Variants in SNX9 observed in about 807,000 individuals in gnomAD.
SNX9 encodes the protein sorting nexin-9.
Under a neutral mutation model 89.4 loss-of-function variants are expected in SNX9, and 44 were observed. The observed-to-expected ratio is 0.49, with a 90% CI of 0.39 to 0.63. The LOEUF is 0.63. Among genes scored for constraint, SNX9 ranks in the 30% least tolerant of loss-of-function variants. The pLI is 0.00. For missense variants in SNX9, 578 were observed against 736.1 expected (o/e 0.79, Z 2.49); for synonymous variants, 236 against 247.8 (o/e 0.95, Z 0.45).
intron 6 of SNX9, among the ~76,000 whole-genome samples, chr6:157,904,877 G>A (rs183179478): frequency 1.4e-4 from 21 of 152,320 alleles, no homozygotes; most frequent in African/African-American, 4.8e-4. Context: ...GCAGTCAGGT[G>A]TGATGAATAG....
At chr6:157,902,849 G>C (rs1258074835) in intron 6 of SNX9, among the ~76,000 whole-genome samples, 4 of 151,918 alleles carry the variant, frequency 2.6e-5, no homozygotes, top group Non-Finnish European at 5.9e-5. Flanking sequence ...TGTATTTTTA[G>C]TAGAGACGAG....
intron 4 of SNX9, among the ~76,000 whole-genome samples, chr6:157,893,550 A>T (rs746826860): frequency 1.2e-4 from 18 of 151,966 alleles, no homozygotes; most frequent in Non-Finnish European, 2.5e-4. Flanking sequence ...GGGCTATATT[A>T]GACAGGGTGG....
Position 157,937,428 on chromosome 6 carries a change from T to C in SNX9, c.1444-6T>C, listed in dbSNP as rs1783948233. 6.2e-7 allele frequency: 1 copy of C among 1,607,588 alleles called. No homozygotes were observed. Among genetic ancestry groups the C allele is most frequent in the African/African-American group, 1.3e-5 (1 of 74,810 alleles). On this transcript the variant is annotated splice_region_variant and splice_polypyrimidine_tract_variant and intron_variant, in intron 14 of 17. Transcript: ENST00000392185. ...CCAGTAACAATCAGCTTGTATCTTGTTATAGCCAAAGAAAGATCTCCATTT... is the reference window on the plus strand; with the variant it reads ...CCAGTAACAATCAGCTTGTATCTTGCTATAGCCAAAGAAAGATCTCCATTT...
At chr6:157,852,454 C>A (rs1268970369) in intron 1 of SNX9, among the ~76,000 whole-genome samples, 1 of 152,158 alleles carries the variant, frequency 6.6e-6, no homozygotes, top group African/African-American at 2.4e-5. Context: ...CTACCATGGT[C>A]ACTCTCAGCT....
intron 2 of SNX9, among the ~76,000 whole-genome samples, chr6:157,868,837 C>T (rs1025372900): frequency 5.9e-5 from 9 of 152,154 alleles, no homozygotes; most frequent in African/African-American, 2.2e-4. Context: ...AACTTGAACC[C>T]ATCGTTACCT....
chr6:157,834,708 G>T (rs923019713), intron 1 of SNX9, among the ~76,000 whole-genome samples: 29 of 152,164 alleles, frequency 1.9e-4, no homozygotes, highest in Admixed American at 6.5e-5. Flanking sequence ...GTGCCCATCT[G>T]AGCACGTGGG....
intron 9 of SNX9, among the ~76,000 whole-genome samples, chr6:157,915,623 T>TAAAAAAAAA (rs1172699831): frequency 2.7e-4 from 19 of 71,236 alleles, no homozygotes; most frequent in African/African-American, 3.7e-4. Context: ...CCATCTCTAC[T>TAAAAAAAAA]AAAAAAAAAA....
chr6:157,841,404 C>T (rs892657478), intron 1 of SNX9, among the ~76,000 whole-genome samples: 9 of 152,156 alleles, frequency 5.9e-5, no homozygotes, highest in Admixed American at 2.6e-4. Flanking sequence ...AGGTCACACA[C>T]AGGATGGTCA....
intron 11 of SNX9, 77 bp from the exon 12 acceptor site, chr6:157,928,522 G>T: frequency 2.7e-6 from 3 of 1,109,678 alleles, no homozygotes; most frequent in Non-Finnish European, 2.7e-6. Context: ...AGTGTCTGTG[G>T]TTATATTTGG....
intron 5 of SNX9, among the ~76,000 whole-genome samples, chr6:157,899,621 A>G (rs1431722611): frequency 6.6e-6 from 1 of 152,104 alleles, no homozygotes; most frequent in Non-Finnish European, 1.5e-5. Flanking sequence ...AAATAGAAAA[A>G]AAATTAGCCG....
intron 2 of SNX9, among the ~76,000 whole-genome samples, chr6:157,870,602 TCAGA>T (rs1167373422): frequency 6.6e-5 from 8 of 121,870 alleles, no homozygotes; most frequent in East Asian, 2.5e-4. Flanking sequence ...CACACACCCC[TCAGA>T]CACTCTCACC....
At position 157,866,745 on chromosome 6, in the gene SNX9, T is replaced by C. The variant is rs148958248; in HGVS notation, c.13-802T>C. ...TAAAGATGCTGCATTATCATTCTTATTAGATAAGGAGCAGTGAACATTTTA... is the reference window on the plus strand; with the variant it reads ...TAAAGATGCTGCATTATCATTCTTACTAGATAAGGAGCAGTGAACATTTTA... On this transcript the variant is annotated intron_variant, in intron 1 of 17. Coordinates refer to ENST00000392185, the MANE Select transcript of SNX9 (RefSeq NM_016224.5). Among the ~76,000 whole-genome samples the C allele has an allele frequency of 1.3e-4, 20 of 152,290 alleles. No individual in the cohort carries two copies. The East Asian group carries it at 2.9e-3, about 22-fold the overall frequency.
At chr6:157,882,116 C>G (rs1052831383) in intron 4 of SNX9, among the ~76,000 whole-genome samples, 1 of 152,270 alleles carries the variant, frequency 6.6e-6, no homozygotes, top group South Asian at 2.1e-4. Flanking sequence ...CGGCTGGTAA[C>G]TTTATGTTGA....
intron 4 of SNX9, among the ~76,000 whole-genome samples, chr6:157,876,264 C>T (rs1438687100): frequency 2.6e-5 from 4 of 152,108 alleles, no homozygotes; most frequent in African/African-American, 9.7e-5. Context: ...CCATCCTGGC[C>T]AACATGGTGA....
chr6:157,914,469 C>CTTTTTCTTTTTTTTTTTTTTTTT (rs1783418214), intron 9 of SNX9, among the ~76,000 whole-genome samples: 1 of 75,130 alleles, frequency 1.3e-5, no homozygotes, highest in African/African-American at 5.6e-5. Flanking sequence ...TTTTCTTTTT[C>CTTTTTCTTTTTTTTTTTTTTTTT]TTTTTTTTTT....
Position 157,928,698 on chromosome 6 carries a change from G to A in SNX9, c.1284G>A (p.Thr428=), listed in dbSNP as rs370256213. ...TVGQEHWKRC[T]GPLPKEYQKI... ...GGCAGGAGCACTGGAAGCGCTGCAC[G>A]GGCCGTAAGTCCACTCCTCACAGTG... The change falls in exon 12 of 18, where the codon ACG becomes ACA. Residue 428 remains threonine (T), a synonymous_variant. Coordinates refer to ENST00000392185, the MANE Select transcript of SNX9 (RefSeq NM_016224.5). The A allele has an allele frequency of 1.9e-5, 30 of 1,594,710 alleles. No individual in the cohort carries two copies. Among genetic ancestry groups the A allele is most frequent in the Admixed American group, 5.2e-5 (3 of 57,956 alleles).
In SNX9 at chr6:157,894,790, A is replaced by G. The variant is rs979084097; in HGVS notation, c.301-2037A>G. Among the ~76,000 whole-genome samples the G allele has an allele frequency of 4.6e-5, 7 of 152,360 alleles. No homozygotes were observed. The East Asian group carries it at 1.4e-3, about 29-fold the overall frequency. On this transcript the variant is annotated intron_variant, in intron 4 of 17. Transcript: ENST00000392185. ...TTTCAAAAGCAATTTGACAAAATCC[A>G]TCGGTTCTAAATACACAGTCTCCTT...
intron 4 of SNX9, among the ~76,000 whole-genome samples, chr6:157,890,650 A>C (rs1261430158): frequency 6.6e-6 from 1 of 152,142 alleles, no homozygotes; most frequent in East Asian, 1.9e-4. Flanking sequence ...ACAGATACTT[A>C]ATTTACAAAG....
chr6:157,887,465 G>A (rs1021918960), intron 4 of SNX9, among the ~76,000 whole-genome samples: 4 of 152,074 alleles, frequency 2.6e-5, no homozygotes, highest in Admixed American at 6.5e-5. Context: ...CTCTCTCTGC[G>A]TCTCTGTCTT....
Sources: allele counts gnomAD v4.1 joint callset (sites outside exome capture counted in the v4.1 genomes callset), GRCh38; gene constraint gnomAD v4.1.1; transcripts MANE v1.5; gene names NCBI Gene and HGNC (gene_info 2026-07-23, HGNC 2026-07-21).